The following RBFOX1 variants were observed in gnomAD, a reference collection of about 807,000 sequenced individuals.
The protein encoded by RBFOX1 is RNA binding fox-1 homolog 1, also known as RNA binding protein fox-1 homolog 1.
In RBFOX1, 8 loss-of-function variants were observed where a neutral mutation model predicts 57.7. That is an observed-to-expected ratio of 0.14 (90% CI 0.08 to 0.25). The LOEUF (loss-of-function observed/expected upper bound fraction) is 0.25, where lower values mean the gene tolerates loss of function less well. Ranked by LOEUF, RBFOX1 falls within the 10% of genes least tolerant of loss-of-function variation. The probability of loss-of-function intolerance (pLI) is 1.00; values close to 1 mark genes in which losing one functional copy is unlikely to be tolerated. For missense variants in RBFOX1, 611 were observed against 548.5 expected (o/e 1.11, Z -1.14); for synonymous variants, 326 against 222.4 (o/e 1.47, Z -4.15).
chr16:5,372,189 G>T (rs1016572235), intron 1 of RBFOX1, among the ~76,000 whole-genome samples: 4 of 152,184 alleles, frequency 2.6e-5, no homozygotes, highest in Non-Finnish European at 4.4e-5. Flanking sequence ...GCTTAGGCGG[G>T]AGGCAGCCAA....
chr16:7,007,849 C>T (rs906011164), intron 3 of RBFOX1, among the ~76,000 whole-genome samples: 1 of 152,196 alleles, frequency 6.6e-6, no homozygotes, highest in East Asian at 1.9e-4. Context: ...CTAGTGGACA[C>T]CTCAGCATTA....
intron 4 of RBFOX1, among the ~76,000 whole-genome samples, chr16:7,366,013 C>G (rs1197683268): frequency 6.6e-6 from 1 of 152,160 alleles, no homozygotes; most frequent in African/African-American, 2.4e-5. Flanking sequence ...CAGAAAGACT[C>G]TGTGTCAGAA....
At position 6,780,126 on chromosome 16, in the gene RBFOX1, TATA is replaced by T. The variant is rs1236859094; in HGVS notation, c.-16+125477_-16+125479del. Among the ~76,000 whole-genome samples the T allele has an allele frequency of 5.5e-5, 2 of 36,394 alleles. 1 individual carries two copies. The highest frequency in any genetic ancestry group is 8.0e-5 in the Non-Finnish European group (2 of 24,962). The allele number at this position is 36,394 out of a possible 152,430, so 23.9% of individuals were successfully genotyped here. Reference sequence around the variant, plus strand: ...TTATATATTTATATATATTTATATATATATTTATATATTTATATATATTTATAT... The same window carrying T: ...TTATATATTTATATATATTTATATATTTTATATATTTATATATATTTATAT... On this transcript the variant is annotated intron_variant, in intron 3 of 15. Coordinates refer to ENST00000550418, the MANE Select transcript of RBFOX1 (RefSeq NM_018723.4).
intron 3 of RBFOX1, among the ~76,000 whole-genome samples, chr16:6,926,467 A>T (rs565449638): frequency 6.6e-6 from 1 of 152,166 alleles, no homozygotes; most frequent in Non-Finnish European, 1.5e-5. Context: ...TGTAGATAGT[A>T]GGTTCAGTGG....
chr16:6,848,869 C>T (rs1378900366), intron 3 of RBFOX1, among the ~76,000 whole-genome samples: 1 of 152,144 alleles, frequency 6.6e-6, no homozygotes, highest in East Asian at 1.9e-4. Flanking sequence ...GATTGTATTT[C>T]CTCAGGTGTC....
intron 2 of RBFOX1, among the ~76,000 whole-genome samples, chr16:5,587,908 G>A (rs780150384): frequency 1.4e-4 from 21 of 152,132 alleles, no homozygotes; most frequent in Non-Finnish European, 2.8e-4. Context: ...ACGTGTGCGG[G>A]AATGCTCACA....
intron 5 of RBFOX1, among the ~76,000 whole-genome samples, chr16:7,545,967 G>C (rs60040060): frequency 6.7e-6 from 1 of 148,440 alleles, no homozygotes; most frequent in African/African-American, 2.5e-5. Context: ...GGAAAGTGTC[G>C]TAAAACTAGA....
intron 2 of RBFOX1, among the ~76,000 whole-genome samples, chr16:6,591,783 A>G (rs531387839): frequency 6.6e-6 from 1 of 152,222 alleles, no homozygotes. Flanking sequence ...GAAGAAGGAG[A>G]AGCATTTTAA....
rs2095406892 is a variant in RBFOX1 at position 6,483,413 on chromosome 16, G to A, written c.-64+166356G>A. 5.8e-5 allele frequency: 89 copies of A among 1,535,018 alleles called. 2 individuals are homozygous for A. The South Asian group carries it at 1.0e-3, about 18-fold the overall frequency. On this transcript the variant is annotated intron_variant, in intron 2 of 15. Coordinates refer to ENST00000550418, the MANE Select transcript of RBFOX1 (RefSeq NM_018723.4). The stretch of plus-strand genomic sequence containing the variant: ...ATGACTGGAGTCATTTACATTGCTA[G>A]CACGTGGGTGCCGTTTGCTGTTGCC...
intron 2 of RBFOX1, among the ~76,000 whole-genome samples, chr16:6,484,936 T>C (rs994523574): frequency 6.6e-6 from 1 of 152,212 alleles, no homozygotes; most frequent in Non-Finnish European, 1.5e-5. Flanking sequence ...CTCTCTTTAG[T>C]AGGGTAGCTG....
At chr16:7,297,261 C>G (rs769146130) in intron 4 of RBFOX1, among the ~76,000 whole-genome samples, 40 of 152,206 alleles carry the variant, frequency 2.6e-4, no homozygotes, top group Non-Finnish European at 4.1e-4. Context: ...TAAAGACAAA[C>G]TACCCCACCC....
chr16:6,428,996 A>T (rs78991487), intron 2 of RBFOX1, among the ~76,000 whole-genome samples: 15 of 152,304 alleles, frequency 9.8e-5, no homozygotes, highest in African/African-American at 3.4e-4. Context: ...CTTGTCTGGG[A>T]GGTGCACATT....
At chr16:6,978,484 G>T (rs984869893) in intron 3 of RBFOX1, among the ~76,000 whole-genome samples, 1 of 152,134 alleles carries the variant, frequency 6.6e-6, no homozygotes, top group African/African-American at 2.4e-5. Flanking sequence ...TTACAGGTAG[G>T]TTGTATTATT....
chr16:5,558,798 C>T (rs186005402), intron 2 of RBFOX1, among the ~76,000 whole-genome samples: 31 of 152,270 alleles, frequency 2.0e-4, no homozygotes, highest in Admixed American at 1.8e-3. Flanking sequence ...TTTGGATTCA[C>T]TCAATGCATC....
chr16:5,652,948 G>A (rs572916198), intron 3 of RBFOX1, among the ~76,000 whole-genome samples: 9 of 152,278 alleles, frequency 5.9e-5, no homozygotes, highest in Non-Finnish European at 1.2e-4. Flanking sequence ...GGGGTGACTG[G>A]GTCTCTGCTG....
At chr16:7,224,397 G>A (rs2152871745) in intron 4 of RBFOX1, among the ~76,000 whole-genome samples, 2 of 152,286 alleles carry the variant, frequency 1.3e-5, no homozygotes, top group East Asian at 3.9e-4. Context: ...GCAAATTAGT[G>A]GAACTTGCCA....
At chr16:6,157,709 AT>A (rs1387739087) in intron 1 of RBFOX1, among the ~76,000 whole-genome samples, 1 of 152,222 alleles carries the variant, frequency 6.6e-6, no homozygotes, top group East Asian at 1.9e-4. Flanking sequence ...ATACATAATT[AT>A]ATTGTAATTA....
intron 4 of RBFOX1, among the ~76,000 whole-genome samples, chr16:7,477,569 C>A (rs778976637): frequency 1.3e-5 from 2 of 152,156 alleles, no homozygotes; most frequent in East Asian, 1.9e-4. Context: ...TTGACAGATT[C>A]CGGCTGGCTC....
intron 3 of RBFOX1, among the ~76,000 whole-genome samples, chr16:6,760,649 A>G (rs529927216): frequency 3.3e-5 from 5 of 152,204 alleles, no homozygotes; most frequent in African/African-American, 4.8e-5. Context: ...ATAAAAGCAT[A>G]TACTGGAGCA....
Sources: gnomAD v4.1 joint callset for allele counts (sites outside exome capture counted in the v4.1 genomes callset) on GRCh38, gnomAD v4.1.1 for gene constraint, MANE v1.5 for transcripts, NCBI Gene and HGNC (gene_info 2026-07-23, HGNC 2026-07-21) for gene names.